The following SCUBE3 variants were observed in gnomAD, a reference collection of about 807,000 sequenced individuals.
SCUBE3 encodes signal peptide, CUB domain and EGF like domain containing 3, also known as signal peptide, CUB and EGF-like domain-containing protein 3.
SCUBE3 carries 33 observed loss-of-function variants against 116.8 expected under a neutral mutation model. The ratio of observed to expected loss-of-function variants is 0.28; its 90% CI spans 0.21 to 0.38. The LOEUF (loss-of-function observed/expected upper bound fraction) is 0.38, where lower values mean the gene tolerates loss of function less well. Ranked by LOEUF, SCUBE3 falls within the 10% of genes least tolerant of loss-of-function variation. The pLI, the probability that SCUBE3 is intolerant of heterozygous loss-of-function variation, is 1.00. For missense variants in SCUBE3, 1,007 were observed against 1,324.8 expected (o/e 0.76, Z 3.72); for synonymous variants, 418 against 496.9 (o/e 0.84, Z 2.11).
At position 35,250,481 on chromosome 6, in the gene SCUBE3, T is replaced by C. The variant is rs1273546940; in HGVS notation, c.*1776T>C. The C allele has an allele frequency of 2.6e-5, 4 of 152,194 alleles. No homozygotes were observed. Among genetic ancestry groups the C allele is most frequent in the Non-Finnish European group, 4.4e-5 (3 of 68,040 alleles). The allele number at this position is 152,194 out of a possible 1,614,324, so 9.4% of individuals were successfully genotyped here. ...CAGATATTTGCCTGGCTCTGGTCAC[T>C]TCCCTTTGAAGTTGACTTCAAGCTT... On this transcript the variant is annotated 3_prime_UTR_variant, in exon 22 of 22. Coordinates refer to ENST00000274938, the MANE Select transcript of SCUBE3 (RefSeq NM_152753.4).
chr6:35,226,855 G>A (rs4713842), intron 1 of SCUBE3, among the ~76,000 whole-genome samples: 140,645 of 152,172 alleles, frequency 0.92, 65,127 homozygotes, highest in East Asian at 0.99. Context: ...AGCTGTGTGT[G>A]TAGCACCTAT....
In SCUBE3 at chr6:35,233,969, C is replaced by T. The variant is rs184242158; in HGVS notation, c.712+668C>T. On this transcript the variant is annotated intron_variant, in intron 6 of 21. Transcript: ENST00000274938. This position sits in a 1 kb window ranked among gnomAD's most constrained non-coding sequence, Gnocchi z 5.7. ...AGCAACCCTGTTTCTTCCTCACCAACTCCAGCCTTCCATCTCTTACCTTGA... is the reference window on the plus strand; with the variant it reads ...AGCAACCCTGTTTCTTCCTCACCAATTCCAGCCTTCCATCTCTTACCTTGA... Among the ~76,000 whole-genome samples, 123 of 152,182 alleles carry T rather than the reference C, an allele frequency of 8.1e-4. No homozygotes were observed. The highest frequency in any genetic ancestry group is 1.5e-3 in the Non-Finnish European group (99 of 68,024).
Position 35,246,272 on chromosome 6 carries a change from A to G in SCUBE3, c.2819A>G (p.Gln940Arg), listed in dbSNP as rs1019581905. The stretch of plus-strand genomic sequence containing the variant: ...CGGCTCTATGCCTCTGAAAACCACC[A>G]GGAGATTTTAAAGGTGAATGAATAT... ...DGRLYASENH[Q>R]EILKDKKLIK... The change falls in exon 21 of 22, where the codon CAG becomes CGG. Residue 940 changes from glutamine to arginine, a missense_variant. Physicochemically the swap from Gln to Arg is conservative, Grantham distance 43 (BLOSUM62 1). Around this residue, in one of 5 missense-constraint regions of SCUBE3, gnomAD observed 118 missense variants for 196.6 expected, o/e 0.60. Transcript: ENST00000274938. The G allele has an allele frequency of 6.2e-7, 1 of 1,611,470 alleles. No individual in the cohort carries two copies. The highest frequency in any genetic ancestry group is 1.3e-5 in the African/African-American group (1 of 74,862).
Position 35,243,765 on chromosome 6 carries a change from G to A in SCUBE3, c.2071+10G>A. ...GTCACCACGTGTGCAGGTGCCAGGG[G>A]AACAAACAATACAGAGTGGGGTAGG... On this transcript the variant is annotated intron_variant, in intron 16 of 21. Coordinates refer to ENST00000274938, the MANE Select transcript of SCUBE3 (RefSeq NM_152753.4). The surrounding 1 kb of genome is among the most constrained non-coding windows in gnomAD (Gnocchi z 6.6). The A allele has an allele frequency of 1.9e-6, 3 of 1,612,958 alleles. No individual in the cohort carries two copies. Among genetic ancestry groups the A allele is most frequent in the Non-Finnish European group, 2.5e-6 (3 of 1,179,126 alleles).
Position 35,235,058 on chromosome 6 carries a change from C to A in SCUBE3, c.712+1757C>A, listed in dbSNP as rs1221681493. On this transcript the variant is annotated intron_variant, in intron 6 of 21. Transcript: ENST00000274938. The surrounding 1 kb of genome is among the most constrained non-coding windows in gnomAD (Gnocchi z 4.5). ...CATTGCCTGGGGCCGTCAGGACATT[C>A]AGATTCGGTGGGAAGACTGAGAAGG... is the stretch of plus-strand genomic sequence containing the variant. Among the ~76,000 whole-genome samples the A allele has an allele frequency of 6.6e-6, 1 of 152,212 alleles. No homozygotes were observed. Among genetic ancestry groups the A allele is most frequent in the Non-Finnish European group, 1.5e-5 (1 of 68,044 alleles).
intron 1 of SCUBE3, among the ~76,000 whole-genome samples, chr6:35,217,521 G>A (rs1229339178): frequency 8.6e-5 from 13 of 151,586 alleles, no homozygotes; most frequent in Non-Finnish European, 1.9e-4. Flanking sequence ...GTGTCTCTCT[G>A]TCTCGGTGTG....
chr6:35,243,572 A>G lies in SCUBE3; in HGVS notation c.1910-22A>G, dbSNP rs1238143301. 1 of 1,569,696 alleles carries G rather than the reference A, an allele frequency of 6.4e-7. No individual in the cohort carries two copies. The highest frequency in any genetic ancestry group is 1.4e-5 in the African/African-American group (1 of 73,896). On this transcript the variant is annotated intron_variant, in intron 15 of 21. Transcript: ENST00000274938. The surrounding 1 kb of genome is among the most constrained non-coding windows in gnomAD (Gnocchi z 6.6). ...GTGGGAAATGCGGGGGTGGGTGGCT[A>G]GCGCGGCCGACTCTCCCTCAGTCAG...
chr6:35,247,264 G>A (rs995750743), intron 21 of SCUBE3, among the ~76,000 whole-genome samples: 18 of 151,498 alleles, frequency 1.2e-4, no homozygotes, highest in Non-Finnish European at 7.4e-5. Context: ...GTGAAACCCC[G>A]TCTTTACTAA....
Position 35,245,533 on chromosome 6 carries a change from A to G in SCUBE3, c.2599+108A>G. 1.1e-6 allele frequency: 1 copy of G among 908,212 alleles called. No individual in the cohort carries two copies. Among genetic ancestry groups the G allele is most frequent in the Non-Finnish European group, 1.8e-6 (1 of 568,006 alleles). The allele number at this position is 908,212 out of a possible 1,614,324, so 56.3% of individuals were successfully genotyped here. A position where few individuals can be genotyped will look rare whatever the true frequency, so the allele number is the denominator to read the frequency against. Reference sequence around the variant, plus strand: ...AAGAAATGGGGCAGTGAAGTTAGGGATCTATGAGGGTGAAATAGTGAGAGG... The same window carrying G: ...AAGAAATGGGGCAGTGAAGTTAGGGGTCTATGAGGGTGAAATAGTGAGAGG... On this transcript the variant is annotated intron_variant, in intron 19 of 21. Transcript: ENST00000274938. This position sits in a 1 kb window ranked among gnomAD's most constrained non-coding sequence, Gnocchi z 4.2.
At chr6:35,246,516 G>A (rs931460147) in intron 21 of SCUBE3, among the ~76,000 whole-genome samples, 2 of 152,150 alleles carry the variant, frequency 1.3e-5, no homozygotes, top group African/African-American at 2.4e-5. Flanking sequence ...CGACTGCAGC[G>A]TCACCCACAC....
Position 35,231,644 on chromosome 6 carries a change from T to C in SCUBE3, c.335-81T>C. The stretch of plus-strand genomic sequence containing the variant: ...CTTAGGGGGTAGTAGTTCTTAAGAC[T>C]GCCTTTGGTGCTGAAGTCTTGGGAT... On this transcript the variant is annotated intron_variant, in intron 3 of 21. Transcript: ENST00000274938. The surrounding 1 kb of genome is among the most constrained non-coding windows in gnomAD (Gnocchi z 4.2). The C allele has an allele frequency of 7.7e-7, 1 of 1,296,700 alleles. No individual in the cohort carries two copies. The highest frequency in any genetic ancestry group is 2.5e-5 in the East Asian group (1 of 39,764). The allele number at this position is 1,296,700 out of a possible 1,614,324, so 80.3% of individuals were successfully genotyped here. A position where few individuals can be genotyped will look rare whatever the true frequency, so the allele number is the denominator to read the frequency against.
rs1783584922 is a variant in SCUBE3 at position 35,232,343 on chromosome 6, A to G, written c.469+484A>G. On this transcript the variant is annotated intron_variant, in intron 4 of 21. Coordinates refer to ENST00000274938, the MANE Select transcript of SCUBE3 (RefSeq NM_152753.4). The surrounding 1 kb of genome is among the most constrained non-coding windows in gnomAD (Gnocchi z 4.2). The stretch of plus-strand genomic sequence containing the variant: ...CATTGTTGTATCCCCAGCACCTAAC[A>G]TACTGCCCTGCGTGTAGTGAGAGTT... 6.6e-6 allele frequency among the ~76,000 whole-genome samples: 1 copy of G among 152,204 alleles called. No individual in the cohort carries two copies. Among genetic ancestry groups the G allele is most frequent in the African/African-American group, 2.4e-5 (1 of 41,458 alleles).
chr6:35,243,133 C>T lies in SCUBE3; in HGVS notation c.1806C>T (p.Gly602=). The T allele has an allele frequency of 6.2e-7, 1 of 1,614,166 alleles. No individual in the cohort carries two copies. The highest frequency in any genetic ancestry group is 8.5e-7 in the Non-Finnish European group (1 of 1,179,990). The change falls in exon 15 of 22, where the codon GGC becomes GGT. Residue 602 remains glycine (G), a synonymous_variant. Coordinates refer to ENST00000274938, the MANE Select transcript of SCUBE3 (RefSeq NM_152753.4). This position sits in a 1 kb window ranked among gnomAD's most constrained non-coding sequence, Gnocchi z 6.6. ...ACCGCTTCCTGCTGCGCCTGGCAGG[C>T]CTTGATTATGAGCTGGCCCACAAGC... ...NQDRFLLRLA[G]LDYELAHKPG...
chr6:35,242,817 G>T, intron 14 of SCUBE3, 37 bp downstream of exon 14: 1 of 1,604,632 alleles, frequency 6.2e-7, no homozygotes, highest in South Asian at 1.1e-5. Flanking sequence ...AGGACTGGAA[G>T]GGGAGGGCAG....
At position 35,231,506 on chromosome 6, in the gene SCUBE3, T is replaced by C. The variant is rs1450486019; in HGVS notation, c.335-219T>C. Among the ~76,000 whole-genome samples, 2 of 152,112 alleles carry C rather than the reference T, an allele frequency of 1.3e-5. No individual in the cohort carries two copies. Among genetic ancestry groups the C allele is most frequent in the African/African-American group, 4.8e-5 (2 of 41,414 alleles). On this transcript the variant is annotated intron_variant, in intron 3 of 21. Transcript: ENST00000274938. The surrounding 1 kb of genome is among the most constrained non-coding windows in gnomAD (Gnocchi z 4.2). ...CTAGGTGACATTTGAGGTTCAAAGG[T>C]CCCCTTTTCCCCCACTTGCTTAGCT...
chr6:35,224,322 G>C (rs1436677042), intron 1 of SCUBE3: 2 of 152,080 alleles, frequency 1.3e-5, no homozygotes, highest in South Asian at 2.1e-4. Context: ...AAGTCTGGCT[G>C]TAGGAGGGGT....
At chr6:35,226,451 G>A (rs940814064) in intron 1 of SCUBE3, among the ~76,000 whole-genome samples, 3 of 142,674 alleles carry the variant, frequency 2.1e-5, no homozygotes, top group Non-Finnish European at 4.5e-5. Context: ...CCATAATATT[G>A]CCTCAGAAGT....
At chr6:35,220,876 C>CT (rs968655881) in intron 1 of SCUBE3, 8 of 152,198 alleles carry the variant, frequency 5.3e-5, no homozygotes, top group African/African-American at 1.9e-4. Flanking sequence ...CTTGCATAAG[C>CT]TTTTTCTAGA....
At chr6:35,230,851 C>T (rs1184098646) in intron 3 of SCUBE3, among the ~76,000 whole-genome samples, 5 of 152,144 alleles carry the variant, frequency 3.3e-5, no homozygotes, top group African/African-American at 7.2e-5. Flanking sequence ...AACCAATCTA[C>T]GTGATGCCTC....
Sources: allele counts gnomAD v4.1 joint callset (sites outside exome capture counted in the v4.1 genomes callset), GRCh38; gene constraint gnomAD v4.1.1; regional missense constraint gnomAD v4.1.1; non-coding constraint Gnocchi (gnomAD v3.1); transcripts MANE v1.5; gene names NCBI Gene and HGNC (gene_info 2026-07-23, HGNC 2026-07-21).